The following TTN variants were observed in gnomAD, a reference collection of about 807,000 sequenced individuals.
TTN encodes the protein titin, also known as connectin.
A neutral mutation model predicts 3,223.0 loss-of-function variants in TTN; 1,525 were observed. The observed-to-expected ratio is 0.47, with a 90% CI of 0.45 to 0.49. The LOEUF (loss-of-function observed/expected upper bound fraction) is 0.49, where lower values mean the gene tolerates loss of function less well. Among genes scored for constraint, TTN ranks in the 20% least tolerant of loss-of-function variants. The pLI is 0.00. For missense variants in TTN, 40,786 were observed against 43,424.0 expected, an observed-to-expected ratio of 0.94 and a Z score of 5.40; for synonymous variants, 14,094 against 15,161.0, an observed-to-expected ratio of 0.93 and a Z score of 5.17.
At position 178,757,537 on chromosome 2, in the gene TTN, T is replaced by G; in HGVS notation, c.10678+5A>C. 6.5e-7 allele frequency: 1 copy of G among 1,546,484 alleles called. No homozygotes were observed. The highest frequency in any genetic ancestry group is 8.7e-7 in the Non-Finnish European group (1 of 1,145,200). ...TCAAAGTCCTTGAAGCAAGATGGGC[T>G]TTACCTTTTGGAGTCACTGTGAGTG... On this transcript the variant is annotated splice_donor_5th_base_variant and intron_variant, in intron 45 of 362. Coordinates refer to ENST00000589042, the MANE Select transcript of TTN (RefSeq NM_001267550.2).
At position 178,598,800 on chromosome 2, in the gene TTN, G is replaced by C. The variant is rs148299739; in HGVS notation, c.56910C>G (p.Gly18970=). Residue 18970 remains glycine (G), a synonymous_variant, in exon 291 of 363, where the codon GGC becomes GGG. Coordinates refer to ENST00000589042, the MANE Select transcript of TTN (RefSeq NM_001267550.2). ...QFRVYAINAA[G]VGPASLPSDP... ...CTGATGGCAGACTTGCTGGACCCACGCCAGCAGCATTGATTGCATATACCC... is the reference window on the plus strand; with the variant it reads ...CTGATGGCAGACTTGCTGGACCCACCCCAGCAGCATTGATTGCATATACCC... The C allele has an allele frequency of 2.5e-6, 4 of 1,613,236 alleles. No individual in the cohort carries two copies. The African/African-American group carries it at 5.3e-5, about 22-fold the overall frequency.
chr2:178,724,141 G>A lies in TTN; in HGVS notation c.21118C>T (p.Arg7040Ter), dbSNP rs576359448. The change falls in exon 73 of 363, where the codon CGA becomes TGA. Residue 7040 changes from arginine (R) to a stop codon, truncating the protein, a stop_gained and splice_region_variant. Transcript: ENST00000589042. LOFTEE classifies it high-confidence loss of function. ...SCTAVVDVSDRAVPPSFTRRL... is the reference protein window; with the variant it reads ...SCTAVVDVSD ...CGTGTGAAAGAGGGAGGAACTGCTC[G>A]GTCTGTGTGAGGAAAGGTAAGAGAC... is the stretch of plus-strand genomic sequence containing the variant. 7 of 1,608,848 alleles carry A rather than the reference G, an allele frequency of 4.4e-6. No homozygotes were observed. Among genetic ancestry groups the A allele is most frequent in the Admixed American group, 1.7e-5 (1 of 59,674 alleles).
chr2:178,693,012 C>T (rs2072851323), intron 119 of TTN, among the ~76,000 whole-genome samples: 2 of 151,770 alleles, frequency 1.3e-5, no homozygotes, highest in Non-Finnish European at 2.9e-5. Context: ...ATAGTGCTTG[C>T]AGATTTCCGA....
At position 178,738,344 on chromosome 2, in the gene TTN, C is replaced by T. The variant is rs1378752176; in HGVS notation, c.14109G>A (p.Lys4703=). ...TVVKRAAPVI[K]RKIEPLEVAL... ...CTACTTCCAGGGGTTCGATTTTCCTCTTGATCACTGGGGCAGCTGCAAAGG... is the reference window on the plus strand; with the variant it reads ...CTACTTCCAGGGGTTCGATTTTCCTTTTGATCACTGGGGCAGCTGCAAAGG... Residue 4703 remains lysine, a synonymous_variant, in exon 49 of 363, where the codon AAG becomes AAA. Coordinates refer to ENST00000589042, the MANE Select transcript of TTN (RefSeq NM_001267550.2). 5.6e-6 allele frequency: 9 copies of T among 1,612,038 alleles called. No individual in the cohort carries two copies. The highest frequency in any genetic ancestry group is 7.6e-6 in the Non-Finnish European group (9 of 1,178,674).
chr2:178,604,088 C>T lies in TTN; in HGVS notation c.54599G>A (p.Gly18200Asp). The T allele has an allele frequency of 6.2e-7, 1 of 1,612,784 alleles. No individual in the cohort carries two copies. The highest frequency in any genetic ancestry group is 1.1e-5 in the South Asian group (1 of 90,996). Reference sequence around the variant, plus strand: ...CTCTTCTCTTTTCTCCAGCCAGTAGCCAGTAATTGGAGAGCCACCATTGTC... The same window carrying T: ...CTCTTCTCTTTTCTCCAGCCAGTAGTCAGTAATTGGAGAGCCACCATTGTC... Reference protein sequence around the residue: ...PLDNGGSPITGYWLEKREEGS... With the variant: ...PLDNGGSPITDYWLEKREEGS... The change falls in exon 282 of 363, where the codon GGC (glycine) becomes GAC (aspartate). Residue 18200 changes from glycine to aspartate, a missense_variant. Coordinates refer to ENST00000589042, the MANE Select transcript of TTN (RefSeq NM_001267550.2).
chr2:178,729,152 T>C lies in TTN; in HGVS notation c.18886A>G (p.Lys6296Glu). 6.3e-7 allele frequency: 1 copy of C among 1,587,666 alleles called. No homozygotes were observed. ...VALKEPPSFI[K>E]KIENTTTVLK... ...ACAGTAGTGGTATTTTCTATCTTCTTAATGAATGATGGTGGTTCTGTGATT... is the reference window on the plus strand; with the variant it reads ...ACAGTAGTGGTATTTTCTATCTTCTCAATGAATGATGGTGGTTCTGTGATT... Residue 6296 changes from lysine (K) to glutamate (E), a missense_variant, in exon 65 of 363, where the codon AAG (lysine) becomes GAG (glutamate). By Grantham distance (56) the Lys-to-Glu change is moderately conservative. Coordinates refer to ENST00000589042, the MANE Select transcript of TTN (RefSeq NM_001267550.2).
Position 178,790,850 on chromosome 2 carries a change from T to C in TTN, c.1663-5A>G. On this transcript the variant is annotated splice_region_variant and splice_polypyrimidine_tract_variant and intron_variant, in intron 10 of 362. Coordinates refer to ENST00000589042, the MANE Select transcript of TTN (RefSeq NM_001267550.2). The stretch of plus-strand genomic sequence containing the variant: ...TATCTCAGTTTCCTGTCTTATCTGA[T>C]GTTTAGAGTAAAATAAAGATTTGAG... 2 of 1,613,980 alleles carry C rather than the reference T, an allele frequency of 1.2e-6. No individual in the cohort carries two copies. Among genetic ancestry groups the C allele is most frequent in the Non-Finnish European group, 1.7e-6 (2 of 1,179,942 alleles).
Position 178,751,214 on chromosome 2 carries a change from G to C in TTN, c.11311+1910C>G. 3.1e-6 allele frequency: 5 copies of C among 1,609,816 alleles called. No homozygotes were observed. Among genetic ancestry groups the C allele is most frequent in the Non-Finnish European group, 4.2e-6 (5 of 1,177,924 alleles). On this transcript the variant is annotated intron_variant, in intron 47 of 362. Transcript: ENST00000589042. The stretch of plus-strand genomic sequence containing the variant: ...ACTAGCTTCACTTCTCAAAGTTCTT[G>C]AGCTTATTTCAGAAGACGTATCTAA...
intron 30 of TTN, 24 bp downstream of exon 30, chr2:178,774,183 G>A: frequency 6.2e-7 from 1 of 1,614,088 alleles, no homozygotes. Context: ...CTCACTGCAG[G>A]CTGACAGGAA....
At chr2:178,797,522 CGTAA>C (rs1267584916) in intron 6 of TTN, among the ~76,000 whole-genome samples, 8 of 151,738 alleles carry the variant, frequency 5.3e-5, no homozygotes, top group Admixed American at 1.3e-4. Flanking sequence ...GGTTATTTGT[CGTAA>C]GTGTTGCAAA....
At chr2:178,765,248 A>G (rs1462411664) in intron 41 of TTN, among the ~76,000 whole-genome samples, 5 of 152,222 alleles carry the variant, frequency 3.3e-5, no homozygotes, top group Non-Finnish European at 7.3e-5. Flanking sequence ...TGTTTATGTC[A>G]TAGTCATTTT....
intron 70 of TTN, 45 bp downstream of exon 70, chr2:178,725,723 T>C (rs1273781852): frequency 6.5e-7 from 1 of 1,549,278 alleles, no homozygotes; most frequent in African/African-American, 1.4e-5. Flanking sequence ...AAGTAGGATT[T>C]TGCACATTTA....
chr2:178,597,707 G>A lies in TTN; in HGVS notation c.57375C>T (p.Thr19125=), dbSNP rs545858998. The A allele has an allele frequency of 1.2e-6, 2 of 1,613,202 alleles. No homozygotes were observed. The highest frequency in any genetic ancestry group is 1.7e-6 in the Non-Finnish European group (2 of 1,179,570). Residue 19125 remains threonine (T), a synonymous_variant, in exon 294 of 363, where the codon ACC becomes ACT. Transcript: ENST00000589042. The stretch of plus-strand genomic sequence containing the variant: ...GTAAGGTTCTTTCATTCATGTTCCA[G>A]GTGACGGTTGGAGGAGGCTTTCCAG... ...YVSGKPPPTV[T]WNMNERTLPQ... is the part of the protein sequence containing the mutation.
At position 178,718,616 on chromosome 2, in the gene TTN, A is replaced by T. The variant is rs200319727; in HGVS notation, c.24506-16T>A. On this transcript the variant is annotated splice_polypyrimidine_tract_variant and intron_variant, in intron 84 of 362. Transcript: ENST00000589042. The stretch of plus-strand genomic sequence containing the variant: ...GTGGCTGGTTCTATAAGGAGAAAAC[A>T]TGTGGGTAAAATTCTTGCCTTCTAA... 12 of 1,605,714 alleles carry T rather than the reference A, an allele frequency of 7.5e-6. No homozygotes were observed. The highest frequency in any genetic ancestry group is 8.5e-6 in the Non-Finnish European group (10 of 1,175,366).
At position 178,621,507 on chromosome 2, in the gene TTN, C is replaced by G; in HGVS notation, c.45317G>C (p.Ser15106Thr). The G allele has an allele frequency of 6.2e-7, 1 of 1,612,372 alleles. No homozygotes were observed. Among genetic ancestry groups the G allele is most frequent in the Non-Finnish European group, 8.5e-7 (1 of 1,179,056 alleles). The change falls in exon 245 of 363, where the codon AGC (serine) becomes ACC (threonine). Residue 15106 changes from serine (S) to threonine (T), a missense_variant. Coordinates refer to ENST00000589042, the MANE Select transcript of TTN (RefSeq NM_001267550.2). ...TTTGACTTTGCCATCGGTTCGAGAG[C>G]TTGGGAGTCGACAGTTGTAGTTGCC... ...DAGNYNCRLP[S>T]SRTDGKVKVH...
rs369941201 is a variant in TTN at position 178,565,707 on chromosome 2, C to T, written c.80425G>A (p.Gly26809Ser). 7.5e-4 allele frequency: 1,208 copies of T among 1,613,458 alleles called. 1 individual carries two copies. The highest frequency in any genetic ancestry group is 1.0e-3 in the Non-Finnish European group (1,175 of 1,179,634). The part of the protein sequence containing the change: ...LMWEKPEHDG[G>S]SRVLGYVVEM... ...ACAACGTACCCCAGGACTCTGCTAC[C>T]GCCATCATGTTCAGGTTTCTCCCAC... Residue 26809 changes from glycine (G) to serine (S), a missense_variant, in exon 326 of 363, where the codon GGT becomes AGT. Coordinates refer to ENST00000589042, the MANE Select transcript of TTN (RefSeq NM_001267550.2).
In TTN at chr2:178,593,873, GAAAA is replaced by G; in HGVS notation, c.58433-10_58433-7del. On this transcript the variant is annotated splice_region_variant and splice_polypyrimidine_tract_variant and intron_variant, in intron 297 of 362. Coordinates refer to ENST00000589042, the MANE Select transcript of TTN (RefSeq NM_001267550.2). ...TACTGGTGGTCCAGGACGGTCTGCA[GAAAA>G]AAAAAATCATGGCACAAAATGTTAT... The G allele has an allele frequency of 6.6e-7, 1 of 1,504,352 alleles. No individual in the cohort carries two copies. Among genetic ancestry groups the G allele is most frequent in the South Asian group, 1.2e-5 (1 of 82,222 alleles). The allele number at this position is 1,504,352 out of a possible 1,614,324, so 93.2% of individuals were successfully genotyped here. A position where few individuals can be genotyped will look rare whatever the true frequency, so the allele number is the denominator to read the frequency against.
Position 178,631,088 on chromosome 2 carries a change from G to T in TTN, c.43960C>A (p.Gln14654Lys), listed in dbSNP as rs1463883512. The change falls in exon 237 of 363, where the codon CAG becomes AAG. Residue 14654 changes from glutamine (Q) to lysine (K), a missense_variant. Coordinates refer to ENST00000589042, the MANE Select transcript of TTN (RefSeq NM_001267550.2). ...LKKALKSDIG[Q>K]YTCDCGTDKT... ...TCTGTCCCACAGTCACAGGTGTACTGTCCAATATCTGATTTCAAGGCTTTC... is the reference window on the plus strand; with the variant it reads ...TCTGTCCCACAGTCACAGGTGTACTTTCCAATATCTGATTTCAAGGCTTTC... 6.2e-7 allele frequency: 1 copy of T among 1,613,250 alleles called. No individual in the cohort carries two copies. The highest frequency in any genetic ancestry group is 1.3e-5 in the African/African-American group (1 of 74,900).
intron 142 of TTN, 68 bp downstream of exon 142, chr2:178,679,271 T>C: frequency 6.5e-7 from 1 of 1,527,748 alleles, no homozygotes; most frequent in Non-Finnish European, 9.0e-7. Context: ...AGATCTGCTA[T>C]GGCTCACCAA....
Sources: gnomAD v4.1 joint callset for allele counts (sites outside exome capture counted in the v4.1 genomes callset) on GRCh38, gnomAD v4.1.1 for gene constraint, MANE v1.5 for transcripts, NCBI Gene and HGNC (gene_info 2026-07-23, HGNC 2026-07-21) for gene names.